The following NHSL1 variants were observed in gnomAD, a reference collection of about 807,000 sequenced individuals.
The protein encoded by NHSL1 is NHS like 1, also known as NHS-like protein 1.
NHSL1 carries 48 observed loss-of-function variants against 95.0 expected under a neutral mutation model. The observed-to-expected ratio is 0.51, with a 90% CI of 0.40 to 0.64. The LOEUF (loss-of-function observed/expected upper bound fraction) is 0.64, where lower values mean the gene tolerates loss of function less well. Among genes scored for constraint, NHSL1 ranks in the 30% least tolerant of loss-of-function variants. The probability of loss-of-function intolerance (pLI) is 0.00; values close to 1 mark genes in which losing one functional copy is unlikely to be tolerated. For missense variants in NHSL1, 1,971 were observed against 2,077.7 expected, an observed-to-expected ratio of 0.95 and a Z score of 1.00; for synonymous variants, 783 against 833.9, an observed-to-expected ratio of 0.94 and a Z score of 1.05.
At chr6:138,461,989 GAC>G (rs985023458) in intron 3 of NHSL1, among the ~76,000 whole-genome samples, 8 of 152,190 alleles carry the variant, frequency 5.3e-5, no homozygotes, top group South Asian at 2.1e-4. Flanking sequence ...AGCCACTTGG[GAC>G]ACAGCAGGGC....
chr6:138,560,427 C>T (rs1009241489), intron 1 of NHSL1, among the ~76,000 whole-genome samples: 1 of 152,188 alleles, frequency 6.6e-6, no homozygotes, highest in African/African-American at 2.4e-5. Flanking sequence ...GACAGAACAA[C>T]ACTCAGGCAT....
At chr6:138,511,745 G>T (rs1475641158) in intron 1 of NHSL1, among the ~76,000 whole-genome samples, 1 of 152,146 alleles carries the variant, frequency 6.6e-6, no homozygotes, top group African/African-American at 2.4e-5. Context: ...AGACCAGCCT[G>T]GGCAACATGG....
chr6:138,425,183 C>T (rs570848655), intron 7 of NHSL1, among the ~76,000 whole-genome samples: 5 of 152,298 alleles, frequency 3.3e-5, no homozygotes, highest in South Asian at 2.1e-4. Context: ...CTCTGCCTCC[C>T]GGATTCAAGC....
At chr6:138,609,749 C>CAAA (rs10687521) in intron 1 of NHSL1, among the ~76,000 whole-genome samples, 9,963 of 106,028 alleles carry the variant, frequency 0.094, 1,055 homozygotes, top group African/African-American at 0.24. Flanking sequence ...GACTCTGTCT[C>CAAA]AAAAAAAAAA....
At chr6:138,428,199 GGCTATTATAAATAGACAGA>G (rs1775389106) in intron 7 of NHSL1, among the ~76,000 whole-genome samples, 1 of 152,120 alleles carries the variant, frequency 6.6e-6, no homozygotes, top group South Asian at 2.1e-4. Context: ...CTCTGTGGAT[GGCTATTATAAATAGACAGA>G]TATGCCTGTA....
intron 1 of NHSL1, among the ~76,000 whole-genome samples, chr6:138,676,070 C>A (rs756436783): frequency 1.6e-4 from 24 of 152,154 alleles, no homozygotes; most frequent in Non-Finnish European, 3.1e-4. Flanking sequence ...CTAAGCAAAA[C>A]CCTACCTAAC....
intron 1 of NHSL1, among the ~76,000 whole-genome samples, chr6:138,672,130 C>T (rs1785380436): frequency 1.3e-5 from 2 of 152,170 alleles, no homozygotes; most frequent in Non-Finnish European, 2.9e-5. Flanking sequence ...CACACTGGCT[C>T]ATGCCCAGTG....
At chr6:138,533,792 A>G (rs1193998443) in intron 1 of NHSL1, among the ~76,000 whole-genome samples, 1 of 152,198 alleles carries the variant, frequency 6.6e-6, no homozygotes, top group Non-Finnish European at 1.5e-5. Context: ...AAGTGTAGCC[A>G]CTTCAGAGTG....
chr6:138,532,904 A>C lies in NHSL1; in HGVS notation c.16+12719T>G, dbSNP rs1583368563. ...CTTACAAGACAGAAGCTGAAAAGGC[A>C]GCCTATCAGAGGTCAAGGTTCCTAT... On this transcript the variant is annotated intron_variant, in intron 1 of 4. Transcript: ENST00000342260. Among the ~76,000 whole-genome samples the C allele has an allele frequency of 2.0e-5, 3 of 152,228 alleles. No homozygotes were observed. In the East Asian group the frequency reaches 5.8e-4, roughly 29 times the overall value.
intron 2 of NHSL1, among the ~76,000 whole-genome samples, chr6:138,492,133 G>A (rs1007164986): frequency 2.0e-5 from 3 of 152,194 alleles, no homozygotes; most frequent in African/African-American, 7.2e-5. Flanking sequence ...ATTCGGATCA[G>A]AGTAGAGCGA....
chr6:138,692,973 G>T (rs902908680), upstream of NHSL1, among the ~76,000 whole-genome samples: 1 of 151,348 alleles, frequency 6.6e-6, no homozygotes, highest in South Asian at 2.1e-4. This position sits in a 1 kb window ranked among gnomAD's most constrained non-coding sequence, Gnocchi z 4.0. Context: ...GGGCGGCGCG[G>T]GGCAGGAATG....
chr6:138,671,052 G>A lies in NHSL1; in HGVS notation c.96+21424C>T, dbSNP rs1411202241. ...TCTGGAGTCCCAGATACTCCCAGGA[G>A]GCTGAGGCAGGAGGATCACTTGAAG... On this transcript the variant is annotated intron_variant, in intron 1 of 3. Transcript: ENST00000491526. Among the ~76,000 whole-genome samples the A allele has an allele frequency of 2.0e-5, 3 of 152,134 alleles. No homozygotes were observed. In the East Asian group the frequency reaches 5.8e-4, roughly 29 times the overall value.
intron 1 of NHSL1, among the ~76,000 whole-genome samples, chr6:138,567,303 T>C (rs932090937): frequency 6.6e-6 from 1 of 152,036 alleles, no homozygotes; most frequent in Non-Finnish European, 1.5e-5. Flanking sequence ...ACTTTTTCTA[T>C]TTTTTTGTAG....
intron 1 of NHSL1, among the ~76,000 whole-genome samples, chr6:138,659,676 T>C (rs1785200877): frequency 6.6e-6 from 1 of 151,656 alleles, no homozygotes; most frequent in Non-Finnish European, 1.5e-5. Flanking sequence ...GCAACTAACA[T>C]AATGAGCTAA....
At chr6:138,451,103 A>G (rs1436751326) in intron 3 of NHSL1, among the ~76,000 whole-genome samples, 1 of 152,158 alleles carries the variant, frequency 6.6e-6, no homozygotes, top group African/African-American at 2.4e-5. Flanking sequence ...AGTCCTTACT[A>G]TGACCTCCAA....
chr6:138,601,489 G>A (rs565655383), intron 1 of NHSL1, among the ~76,000 whole-genome samples: 3 of 152,234 alleles, frequency 2.0e-5, no homozygotes, highest in South Asian at 2.1e-4. Flanking sequence ...TTTACTCTTA[G>A]GTGAATCTAA....
intron 1 of NHSL1, among the ~76,000 whole-genome samples, chr6:138,684,880 A>T (rs1785565095): frequency 6.6e-6 from 1 of 152,222 alleles, no homozygotes; most frequent in Non-Finnish European, 1.5e-5. Context: ...TCATTCCAGG[A>T]TAGAAACCAA....
chr6:138,551,668 G>C (rs563985385), intron 1 of NHSL1, among the ~76,000 whole-genome samples: 1 of 152,252 alleles, frequency 6.6e-6, no homozygotes, highest in African/African-American at 2.4e-5. Flanking sequence ...ACAACAGAAA[G>C]AAGAAAAAAA....
At chr6:138,545,819 C>T (rs1376123859), upstream of NHSL1, 1 of 1,171,522 alleles carries the variant, frequency 8.5e-7, no homozygotes, top group African/African-American at 1.6e-5. Context: ...GTGCTGCTGA[C>T]ACCTCCCTAT....
Sources: gnomAD v4.1 joint callset for allele counts (sites outside exome capture counted in the v4.1 genomes callset) on GRCh38, gnomAD v4.1.1 for gene constraint, Gnocchi (gnomAD v3.1) non-coding constraint, MANE v1.5 for transcripts, NCBI Gene and HGNC (gene_info 2026-07-23, HGNC 2026-07-21) for gene names.